The following RBFOX3 variants were observed in gnomAD, a reference collection of about 807,000 sequenced individuals.
RBFOX3 encodes the protein RNA binding fox-1 homolog 3.
RBFOX3 carries 17 observed loss-of-function variants against 48.7 expected under a neutral mutation model. That is an observed-to-expected ratio of 0.35 (90% CI 0.24 to 0.52). The LOEUF (loss-of-function observed/expected upper bound fraction) is 0.52, where lower values mean the gene tolerates loss of function less well. RBFOX3 is among the 20% of genes least tolerant of loss of function. The pLI, the probability that RBFOX3 is intolerant of heterozygous loss-of-function variation, is 0.94. For missense variants in RBFOX3, 382 were observed against 497.5 expected (o/e 0.77, Z 2.21); for synonymous variants, 212 against 209.5 (o/e 1.01, Z -0.10).
chr17:79,518,324 A>C (rs2085546436), intron 1 of RBFOX3, among the ~76,000 whole-genome samples: 1 of 152,204 alleles, frequency 6.6e-6, no homozygotes, highest in African/African-American at 2.4e-5. Context: ...GACCCACTAT[A>C]TACGATCTAT....
intron 13 of RBFOX3, 146 bp downstream of exon 13, chr17:79,095,367 C>T: frequency 1.5e-6 from 1 of 650,058 alleles, no homozygotes; most frequent in South Asian, 2.2e-5. Flanking sequence ...GGGCCACACT[C>T]AGACCTGCTC....
At chr17:79,425,903 G>A (rs782229367) in intron 2 of RBFOX3, among the ~76,000 whole-genome samples, 31 of 152,284 alleles carry the variant, frequency 2.0e-4, no homozygotes, top group Admixed American at 9.8e-4. Flanking sequence ...AAAGAGGGGC[G>A]GGCACCAGGC....
At chr17:79,512,767 C>A (rs1469602157) in intron 1 of RBFOX3, among the ~76,000 whole-genome samples, 25 of 129,748 alleles carry the variant, frequency 1.9e-4, no homozygotes, top group African/African-American at 6.7e-4. Context: ...CAGGGGACAC[C>A]CACCCGGATA....
chr17:79,401,479 G>A (rs1042794150), intron 2 of RBFOX3, among the ~76,000 whole-genome samples: 3 of 152,228 alleles, frequency 2.0e-5, no homozygotes, highest in Admixed American at 2.0e-4. Context: ...TCTGCAAAAT[G>A]CAAACGCCTT....
At chr17:79,290,289 G>A (rs2072986204) in intron 3 of RBFOX3, among the ~76,000 whole-genome samples, 1 of 152,140 alleles carries the variant, frequency 6.6e-6, no homozygotes, top group East Asian at 1.9e-4. Flanking sequence ...AGGCAGGATG[G>A]CTCGTGGCTA....
Position 79,234,721 on chromosome 17 carries a change from C to CTTTTTTTTTTTTTTTTTTTTT in RBFOX3, c.-34+1024_-34+1044dup, listed in dbSNP as rs71161654. 3 of 61,828 alleles carry CTTTTTTTTTTTTTTTTTTTTT rather than the reference C, an allele frequency of 4.9e-5. 1 individual carries two copies. Among genetic ancestry groups the CTTTTTTTTTTTTTTTTTTTTT allele is most frequent in the African/African-American group, 2.4e-4 (3 of 12,576 alleles). 3.8% of individuals were successfully genotyped at this position (61,828 alleles called of 1,614,324 possible). ...TTGGGTTTATTGGGGGCATTAAGTG[C>CTTTTTTTTTTTTTTTTTTTTT]TTTTTTTTTTTTTTTTTTTTTTTTT... On this transcript the variant is annotated intron_variant, in intron 4 of 14. Coordinates refer to ENST00000693108, the MANE Select transcript of RBFOX3 (RefSeq NM_001350451.2).
intron 3 of RBFOX3, among the ~76,000 whole-genome samples, chr17:79,286,827 G>A (rs574785874): frequency 6.6e-5 from 10 of 152,348 alleles, no homozygotes; most frequent in African/African-American, 2.2e-4. Context: ...GAGGTGCCCA[G>A]CAAGGAGGTG....
In RBFOX3 at chr17:79,204,620, G is replaced by A; in HGVS notation, c.-34+31146C>T. On this transcript the variant is annotated intron_variant, in intron 4 of 14. Coordinates refer to ENST00000693108, the MANE Select transcript of RBFOX3 (RefSeq NM_001350451.2). The surrounding 1 kb of genome is among the most constrained non-coding windows in gnomAD (Gnocchi z 4.5). ...TGACTCTGTGTCCCAGAAGGGTATGGGGGACATTCCCTCCACTAAGGCAAT... is the reference window on the plus strand; with the variant it reads ...TGACTCTGTGTCCCAGAAGGGTATGAGGGACATTCCCTCCACTAAGGCAAT... Among the ~76,000 whole-genome samples the A allele has an allele frequency of 6.6e-6, 1 of 152,106 alleles. No homozygotes were observed. Among genetic ancestry groups the A allele is most frequent in the Admixed American group, 6.5e-5 (1 of 15,286 alleles).
intron 1 of RBFOX3, among the ~76,000 whole-genome samples, chr17:79,552,360 T>TA (rs2091236542): frequency 1.3e-5 from 2 of 152,176 alleles, no homozygotes; most frequent in Admixed American, 1.3e-4. Flanking sequence ...AATAATGGCT[T>TA]AAACATCACA....
chr17:79,363,709 C>T lies in RBFOX3; in HGVS notation c.-174-55885G>A, dbSNP rs1598394491. On this transcript the variant is annotated intron_variant, in intron 2 of 14. Coordinates refer to ENST00000693108, the MANE Select transcript of RBFOX3 (RefSeq NM_001350451.2). This position sits in a 1 kb window ranked among gnomAD's most constrained non-coding sequence, Gnocchi z 4.7. ...GGTGTTTCAGGGACCTCCGACACGC[C>T]TCCAGAGCCCCCAACACCTCCAGAG... Among the ~76,000 whole-genome samples the T allele has an allele frequency of 6.6e-6, 1 of 152,004 alleles. No homozygotes were observed. The highest frequency in any genetic ancestry group is 1.5e-5 in the Non-Finnish European group (1 of 67,998).
chr17:79,349,200 AG>A (rs2146930329), intron 2 of RBFOX3, among the ~76,000 whole-genome samples: 1 of 151,886 alleles, frequency 6.6e-6, no homozygotes, highest in South Asian at 2.1e-4. Flanking sequence ...ACCCTCACCG[AG>A]CAGCCAGACC....
rs1198554721 is a variant in RBFOX3, at chr17:79,203,991, A to G, written c.-34+31775T>C. On this transcript the variant is annotated intron_variant, in intron 4 of 14. Transcript: ENST00000693108. ...GAGCCTGAGAACTTTGCACCCCTAA[A>G]TTCCCTGAACGCTCTGGGCTGGTGG... Among the ~76,000 whole-genome samples, 4 of 152,112 alleles carry G rather than the reference A, an allele frequency of 2.6e-5. No homozygotes were observed. In the East Asian group the frequency reaches 7.7e-4, roughly 29 times the overall value.
chr17:79,189,503 T>C (rs1238418517), intron 4 of RBFOX3, among the ~76,000 whole-genome samples: 1 of 152,232 alleles, frequency 6.6e-6, no homozygotes, highest in African/African-American at 2.4e-5. Flanking sequence ...TTGCAATAGC[T>C]TGGGCGTTTA....
At chr17:79,348,330 G>A (rs372745555) in intron 2 of RBFOX3, among the ~76,000 whole-genome samples, 152 of 152,264 alleles carry the variant, frequency 1.0e-3, no homozygotes, top group African/African-American at 3.4e-3. Context: ...GGCTGGAGCT[G>A]GGCTAAGTAA....
intron 14 of RBFOX3, among the ~76,000 whole-genome samples, chr17:79,091,751 G>A (rs569849877): frequency 3.9e-5 from 6 of 152,218 alleles, no homozygotes; most frequent in Admixed American, 2.6e-4. Flanking sequence ...AGTAGGCTGT[G>A]CCTCCAGGAC....
In RBFOX3 at chr17:79,108,194, C is replaced by T. The variant is rs534151251; in HGVS notation, c.223-1406G>A. ...GTGGCTTCTGGGACAGGACGCCAGC[C>T]GAAGGTAGGAGGGTCTTGGCTCCAG... On this transcript the variant is annotated intron_variant, in intron 5 of 14. Transcript: ENST00000693108. Among the ~76,000 whole-genome samples the T allele has an allele frequency of 5.3e-5, 8 of 152,322 alleles. No homozygotes were observed. The East Asian group carries it at 9.7e-4, about 18-fold the overall frequency.
chr17:79,274,974 C>T (rs2068462643), intron 3 of RBFOX3, among the ~76,000 whole-genome samples: 1 of 148,356 alleles, frequency 6.7e-6, no homozygotes, highest in Non-Finnish European at 1.5e-5. Flanking sequence ...GCAGGCATCC[C>T]CACCCCACCC....
chr17:79,401,591 T>C (rs2062813686), intron 2 of RBFOX3, among the ~76,000 whole-genome samples: 1 of 152,150 alleles, frequency 6.6e-6, no homozygotes, highest in Non-Finnish European at 1.5e-5. Flanking sequence ...ATTTCTTTTG[T>C]TTCACTTTTA....
intron 1 of RBFOX3, among the ~76,000 whole-genome samples, chr17:79,539,379 T>C (rs2089336152): frequency 6.6e-6 from 1 of 152,108 alleles, no homozygotes; most frequent in Admixed American, 6.6e-5. Context: ...TAATAACTGA[T>C]GTTGGTGTGG....
Sources: gnomAD v4.1 joint callset for allele counts (sites outside exome capture counted in the v4.1 genomes callset) on GRCh38, gnomAD v4.1.1 for gene constraint, Gnocchi (gnomAD v3.1) non-coding constraint, MANE v1.5 for transcripts, NCBI Gene and HGNC (gene_info 2026-07-23, HGNC 2026-07-21) for gene names.